The following KLHL42 variants were observed in gnomAD, a reference collection of about 807,000 sequenced individuals.
KLHL42 encodes kelch like family member 42, also known as kelch-like protein 42.
Under a neutral mutation model 32.7 loss-of-function variants are expected in KLHL42, and 27 were observed. The observed-to-expected ratio is 0.83, with a 90% CI of 0.61 to 1.14. The LOEUF is 1.14. Among genes scored for constraint, KLHL42 ranks in the 50% most tolerant of loss-of-function variants. KLHL42 has a pLI of 0.00. For synonymous variants in KLHL42, 267 were observed against 248.2 expected (o/e 1.08, Z -0.71); for missense variants, 491 against 560.8 (o/e 0.88, Z 1.26).
chr12:27,797,312 T>A (rs1425549878), intron 2 of KLHL42: 1 of 459,546 alleles, frequency 2.2e-6, no homozygotes, highest in Non-Finnish European at 4.4e-6. Flanking sequence ...AAGAATAATC[T>A]ACTTGCTGCC....
intron 2 of KLHL42, chr12:27,797,189 C>T (rs1010294570): frequency 1.1e-5 from 5 of 454,606 alleles, no homozygotes; most frequent in Non-Finnish European, 1.8e-5. Context: ...GTTAGAAGGC[C>T]GCAGGTGAGA....
intron 1 of KLHL42, among the ~76,000 whole-genome samples, chr12:27,785,957 A>G (rs948372923): frequency 6.6e-6 from 1 of 152,238 alleles, no homozygotes; most frequent in Non-Finnish European, 1.5e-5. Flanking sequence ...ATAATGAGAG[A>G]CATCATTTAA....
chr12:27,788,891 T>C (rs1179789291), intron 1 of KLHL42, among the ~76,000 whole-genome samples: 1 of 152,252 alleles, frequency 6.6e-6, no homozygotes, highest in East Asian at 1.9e-4. Context: ...GTGAACATAG[T>C]GTGTTAAATT....
In KLHL42 at chr12:27,784,120, GT is replaced by G. The variant is rs1216912229; in HGVS notation, c.872+2930del. 3.4e-3 allele frequency among the ~76,000 whole-genome samples: 443 copies of G among 131,070 alleles called. 1 individual carries two copies. The highest frequency in any genetic ancestry group is 0.027 in the Middle Eastern group (7 of 256). 86.0% of individuals were successfully genotyped at this position (131,070 alleles called of 152,430 possible). Reference sequence around the variant, plus strand: ...TGGATAGGTAGGGCAAAGTGTATGTGTTTTTTTTTTTTGTTTTTGTTTTTTT... The same window carrying G: ...TGGATAGGTAGGGCAAAGTGTATGTGTTTTTTTTTTTGTTTTTGTTTTTTT... On this transcript the variant is annotated intron_variant, in intron 1 of 2. Coordinates refer to ENST00000381271, the MANE Select transcript of KLHL42 (RefSeq NM_020782.2).
At chr12:27,796,538 G>A (rs76495866) in intron 2 of KLHL42, among the ~76,000 whole-genome samples, 6 of 141,166 alleles carry the variant, frequency 4.3e-5, no homozygotes, top group Non-Finnish European at 3.1e-5. Context: ...GAAAAGAAAA[G>A]AGAACAATTA....
chr12:27,792,116 G>A (rs1020547354), intron 2 of KLHL42: 49 of 392,156 alleles, frequency 1.2e-4, no homozygotes, highest in East Asian at 7.6e-4. Flanking sequence ...CATGAAAATC[G>A]AATGGGGAAG....
intron 2 of KLHL42, chr12:27,797,186 G>A (rs527436599): frequency 4.0e-5 from 18 of 453,004 alleles, no homozygotes; most frequent in Non-Finnish European, 7.1e-5. Flanking sequence ...CTTGTTAGAA[G>A]GCCGCAGGTG....
Position 27,780,658 on chromosome 12 carries a change from T to A in KLHL42, c.328T>A (p.Ser110Thr). 2 of 1,583,448 alleles carry A rather than the reference T, an allele frequency of 1.3e-6. No individual in the cohort carries two copies. The highest frequency in any genetic ancestry group is 1.7e-6 in the Non-Finnish European group (2 of 1,162,608). Residue 110 changes from serine to threonine, a missense_variant, in exon 1 of 3, where the codon TCC becomes ACC. By Grantham distance (58) the Ser-to-Thr change is moderately conservative. Coordinates refer to ENST00000381271, the MANE Select transcript of KLHL42 (RefSeq NM_020782.2). This position sits in a 1 kb window ranked among gnomAD's most constrained non-coding sequence, Gnocchi z 8.8. ...GCTGTCCGAGCTGGTGGAGGCGGCC[T>A]CCTTCCTGCAGGTCACGTCCCTGCT... ...SLLSELVEAA[S>T]FLQVTSLLQL...
chr12:27,790,724 A>C (rs2062192602), intron 1 of KLHL42, among the ~76,000 whole-genome samples: 1 of 152,194 alleles, frequency 6.6e-6, no homozygotes, highest in South Asian at 2.1e-4. Context: ...GAATTAACAT[A>C]TGTAAAGACC....
At chr12:27,784,300 ATT>A (rs34586949) in intron 1 of KLHL42, among the ~76,000 whole-genome samples, 1 of 141,992 alleles carries the variant, frequency 7.0e-6, no homozygotes. Context: ...CGCCTGGCTA[ATT>A]TTTTTTTTTT....
At chr12:27,788,686 C>A (rs560235817) in intron 1 of KLHL42, among the ~76,000 whole-genome samples, 43 of 152,270 alleles carry the variant, frequency 2.8e-4, no homozygotes, top group African/African-American at 1.0e-3. Flanking sequence ...TGAAACGAGA[C>A]CCTGTCTCTT....
At chr12:27,793,097 T>G (rs1164398713) in intron 2 of KLHL42, among the ~76,000 whole-genome samples, 1 of 152,128 alleles carries the variant, frequency 6.6e-6, no homozygotes, top group Non-Finnish European at 1.5e-5. Context: ...TTGTCTCAGG[T>G]TACAGTGATA....
At chr12:27,794,729 GACC>G (rs1158823207) in intron 2 of KLHL42, among the ~76,000 whole-genome samples, 1 of 151,934 alleles carries the variant, frequency 6.6e-6, no homozygotes, top group African/African-American at 2.4e-5. Context: ...TCTTGTTAGG[GACC>G]ACCATGCAAC....
At position 27,781,208 on chromosome 12, in the gene KLHL42, C is replaced by T. The variant is rs748393828; in HGVS notation, c.872+6C>T. ...GCCTCCATGAACCAGAAGAGGTAAG[C>T]ACCCCGGCAGAGTGCTGCTGCCTTC... On this transcript the variant is annotated splice_donor_region_variant and intron_variant, in intron 1 of 2. Coordinates refer to ENST00000381271, the MANE Select transcript of KLHL42 (RefSeq NM_020782.2). 1 of 1,613,038 alleles carries T rather than the reference C, an allele frequency of 6.2e-7. No individual in the cohort carries two copies. The highest frequency in any genetic ancestry group is 8.5e-7 in the Non-Finnish European group (1 of 1,179,908).
rs1041217285 is a variant in KLHL42 at position 27,799,596 on chromosome 12, T to C, written c.*1430T>C. 2.6e-5 allele frequency: 4 copies of C among 152,498 alleles called. No homozygotes were observed. The highest frequency in any genetic ancestry group is 7.2e-5 in the African/African-American group (3 of 41,416). 9.4% of individuals were successfully genotyped at this position (152,498 alleles called of 1,614,324 possible). A position where few individuals can be genotyped will look rare whatever the true frequency, so the allele number is the denominator to read the frequency against. On this transcript the variant is annotated 3_prime_UTR_variant, in exon 3 of 3. Coordinates refer to ENST00000381271, the MANE Select transcript of KLHL42 (RefSeq NM_020782.2). Reference sequence around the variant, plus strand: ...AATTCATGCATTCAACAAACACTTATGAGTGCCTGGAGTATGCCGTCCACT... The same window carrying C: ...AATTCATGCATTCAACAAACACTTACGAGTGCCTGGAGTATGCCGTCCACT...
chr12:27,793,478 G>C (rs777766872), intron 2 of KLHL42, among the ~76,000 whole-genome samples: 1 of 151,936 alleles, frequency 6.6e-6, no homozygotes, highest in East Asian at 1.9e-4. Flanking sequence ...GGGGTTTGAG[G>C]CTGCAGTGAG....
Position 27,780,781 on chromosome 12 carries a change from C to G in KLHL42, c.451C>G (p.Arg151Gly), listed in dbSNP as rs200515094. Residue 151 changes from arginine to glycine, a missense_variant, in exon 1 of 3, where the codon CGC becomes GGC. Coordinates refer to ENST00000381271, the MANE Select transcript of KLHL42 (RefSeq NM_020782.2). The surrounding 1 kb of genome is among the most constrained non-coding windows in gnomAD (Gnocchi z 8.8). ...GLPDLQEACLRFMVVHFHEVL... is the reference protein window; with the variant it reads ...GLPDLQEACLGFMVVHFHEVL... ...GCCCGACCTGCAGGAGGCCTGCCTG[C>G]GCTTCATGGTCGTCCACTTCCACGA... The G allele has an allele frequency of 1.5e-5, 25 of 1,613,652 alleles. No individual in the cohort carries two copies. Among genetic ancestry groups the G allele is most frequent in the South Asian group, 9.9e-5 (9 of 91,086 alleles).
chr12:27,783,099 T>C (rs2062156012), intron 1 of KLHL42, among the ~76,000 whole-genome samples: 1 of 152,200 alleles, frequency 6.6e-6, no homozygotes, highest in African/African-American at 2.4e-5. Context: ...ACCAGATGCC[T>C]TACCAATAAC....
intron 2 of KLHL42, chr12:27,797,128 A>G (rs2062222144): frequency 2.4e-6 from 1 of 408,244 alleles, no homozygotes; most frequent in Non-Finnish European, 4.8e-6. Flanking sequence ...TGTCTTTAAA[A>G]AAAAACAAAA....
Sources: allele counts gnomAD v4.1 joint callset (sites outside exome capture counted in the v4.1 genomes callset), GRCh38; gene constraint gnomAD v4.1.1; non-coding constraint Gnocchi (gnomAD v3.1); transcripts MANE v1.5; gene names NCBI Gene and HGNC (gene_info 2026-07-23, HGNC 2026-07-21).